The following INSR variants were observed in gnomAD, a reference collection of about 807,000 sequenced individuals.
INSR encodes insulin receptor.
In INSR, 67 loss-of-function variants were observed where a neutral mutation model predicts 142.6. The observed-to-expected ratio is 0.47, with a 90% CI of 0.39 to 0.58. The LOEUF (loss-of-function observed/expected upper bound fraction) is 0.58. INSR is among the 20% of genes least tolerant of loss of function. The pLI is 0.00. For synonymous variants in INSR, 756 were observed against 743.1 expected (o/e 1.02, Z -0.28); for missense variants, 1,248 against 1,833.2 (o/e 0.68, Z 5.83).
At chr19:7,243,232 T>C (rs1342538248) in intron 2 of INSR, among the ~76,000 whole-genome samples, 1 of 135,296 alleles carries the variant, frequency 7.4e-6, no homozygotes, top group African/African-American at 2.8e-5. Flanking sequence ...CACACTGTTT[T>C]GGTTTTTTTT....
intron 2 of INSR, among the ~76,000 whole-genome samples, chr19:7,189,497 T>C (rs760895672): frequency 3.9e-4 from 59 of 152,266 alleles, no homozygotes; most frequent in Non-Finnish European, 6.8e-4. Context: ...ATGGTGTTGG[T>C]TGAAACTACT....
chr19:7,211,633 G>A (rs1387254167), intron 2 of INSR, among the ~76,000 whole-genome samples: 1 of 152,118 alleles, frequency 6.6e-6, no homozygotes, highest in East Asian at 1.9e-4. Flanking sequence ...ACCAAAACAT[G>A]CACAATCCCA....
At position 7,162,775 on chromosome 19, in the gene INSR, G is replaced by A. The variant is rs1432649114; in HGVS notation, c.2029+257C>T. Among the ~76,000 whole-genome samples the A allele has an allele frequency of 7.8e-5, 11 of 141,910 alleles. 1 individual carries two copies. Among genetic ancestry groups the A allele is most frequent in the Admixed American group, 1.4e-4 (2 of 14,410 alleles). The allele number at this position is 141,910 out of a possible 152,430, so 93.1% of individuals were successfully genotyped here. The stretch of plus-strand genomic sequence containing the variant: ...GTGGAGGTTGCGATGAGCCAAGGTC[G>A]CGTCATTGCACTCCAGCCTGGGCAA... On this transcript the variant is annotated intron_variant, in intron 9 of 21. Transcript: ENST00000302850.
Position 7,132,290 on chromosome 19 carries a change from G to C in INSR, c.2710C>G (p.His904Asp). 2 of 1,614,174 alleles carry C rather than the reference G, an allele frequency of 1.2e-6. No individual in the cohort carries two copies. The highest frequency in any genetic ancestry group is 1.7e-6 in the Non-Finnish European group (2 of 1,180,034). Residue 904 changes from histidine to aspartate, a missense_variant, in exon 14 of 22, where the codon CAC (histidine) becomes GAC (aspartate). By Grantham distance (81) the His-to-Asp change is moderately conservative. Around this residue, in one of 3 missense-constraint regions of INSR, gnomAD observed 1,069 missense variants for 1,654.0 expected, o/e 0.65. Transcript: ENST00000302850. ...EELHLCVSRKHFALERGCRLR... is the reference protein window; with the variant it reads ...EELHLCVSRKDFALERGCRLR... Reference sequence around the variant, plus strand: ...CTGCAGCCCCGTTCCAGAGCGAAGTGCTTGCGGGAGACGCAGAGATGCAGC... The same window carrying C: ...CTGCAGCCCCGTTCCAGAGCGAAGTCCTTGCGGGAGACGCAGAGATGCAGC...
At position 7,166,448 on chromosome 19, in the gene INSR, G is replaced by A. The variant is rs764884196; in HGVS notation, c.1611-44C>T. On this transcript the variant is annotated intron_variant, in intron 7 of 21. Transcript: ENST00000302850. This position sits in a 1 kb window ranked among gnomAD's most constrained non-coding sequence, Gnocchi z 4.1. Reference sequence around the variant, plus strand: ...AGAAGGCAGTTACCCTTACAAGACCGTCACACTGAGTGCCGTGCAGATGAG... The same window carrying A: ...AGAAGGCAGTTACCCTTACAAGACCATCACACTGAGTGCCGTGCAGATGAG... 13 of 1,605,294 alleles carry A rather than the reference G, an allele frequency of 8.1e-6. No homozygotes were observed. Among genetic ancestry groups the A allele is most frequent in the East Asian group, 4.5e-5 (2 of 44,748 alleles).
At chr19:7,276,978 G>A (rs1446940802) in intron 1 of INSR, among the ~76,000 whole-genome samples, 21 of 152,090 alleles carry the variant, frequency 1.4e-4, no homozygotes, top group Non-Finnish European at 2.9e-4. Context: ...TGATCCACCC[G>A]TCTAGACCTC....
chr19:7,121,766 A>G (rs1389450869), intron 19 of INSR, among the ~76,000 whole-genome samples: 1 of 152,226 alleles, frequency 6.6e-6, no homozygotes, highest in Non-Finnish European at 1.5e-5. Flanking sequence ...CGGTCCTACA[A>G]ACATATCTTT....
rs755819949 is a variant in INSR at position 7,174,677 on chromosome 19, T to C, written c.1029A>G (p.Glu343=). 2 of 1,613,760 alleles carry C rather than the reference T, an allele frequency of 1.2e-6. No individual in the cohort carries two copies. The highest frequency in any genetic ancestry group is 8.5e-7 in the Non-Finnish European group (1 of 1,179,900). Residue 343 remains glutamate, a synonymous_variant, in exon 4 of 22, where the codon GAA becomes GAG. Transcript: ENST00000302850. ...TCACCGAGTCGATGGTCTTCTCGCC[T>C]TCTAGGAGGTGGCACACCTTGGGAC... The part of the protein sequence containing the change: ...GPCPKVCHLL[E]GEKTIDSVTS...
chr19:7,119,556 G>T lies in INSR; in HGVS notation c.3687C>A (p.Ile1229=). Residue 1229 remains isoleucine (I), a synonymous_variant, in exon 21 of 22, where the codon ATC becomes ATA. Coordinates refer to ENST00000302850, the MANE Select transcript of INSR (RefSeq NM_000208.4). This position sits in a 1 kb window ranked among gnomAD's most constrained non-coding sequence, Gnocchi z 5.2. ...MWSFGVVLWE[I]TSLAEQPYQG... Reference sequence around the variant, plus strand: ...GGTAAGGCTGTTCTGCCAAGCTGGTGATTTCCCAAAGGACCACGCCAAAGG... The same window carrying T: ...GGTAAGGCTGTTCTGCCAAGCTGGTTATTTCCCAAAGGACCACGCCAAAGG... 2.5e-6 allele frequency: 4 copies of T among 1,614,102 alleles called. No individual in the cohort carries two copies. The highest frequency in any genetic ancestry group is 1.3e-5 in the African/African-American group (1 of 75,034).
chr19:7,261,908 T>C (rs529845597), intron 2 of INSR, among the ~76,000 whole-genome samples: 62 of 152,148 alleles, frequency 4.1e-4, no homozygotes, highest in Non-Finnish European at 8.2e-4. Flanking sequence ...GGGGTGGATG[T>C]TGCTCGGAAT....
intron 2 of INSR, among the ~76,000 whole-genome samples, chr19:7,233,647 T>C (rs1037242586): frequency 6.6e-6 from 1 of 150,644 alleles, no homozygotes. Flanking sequence ...GCTAAACGTC[T>C]TTTGTTTTTT....
rs1253767644 is a variant in INSR, at chr19:7,150,807, A to G, written c.2232-275T>C. On this transcript the variant is annotated intron_variant, in intron 10 of 21. Coordinates refer to ENST00000302850, the MANE Select transcript of INSR (RefSeq NM_000208.4). The surrounding 1 kb of genome is among the most constrained non-coding windows in gnomAD (Gnocchi z 4.2). ...ATGTCAAACGTGACTACATGTGGAC[A>G]TCACAACTGACTCAGCCACTTCTCC... 6.6e-6 allele frequency among the ~76,000 whole-genome samples: 1 copy of G among 152,170 alleles called. No individual in the cohort carries two copies. The highest frequency in any genetic ancestry group is 1.9e-4 in the East Asian group (1 of 5,192).
chr19:7,121,025 C>G (rs193113845), intron 19 of INSR, among the ~76,000 whole-genome samples: 2 of 151,888 alleles, frequency 1.3e-5, no homozygotes, highest in Non-Finnish European at 2.9e-5. Flanking sequence ...TGATATGGAG[C>G]CTCACTCTGT....
chr19:7,290,512 C>T (rs936908691), intron 1 of INSR, among the ~76,000 whole-genome samples: 2 of 152,016 alleles, frequency 1.3e-5, no homozygotes, highest in Non-Finnish European at 2.9e-5. Context: ...ATGGCTCACA[C>T]CTATAATCCC....
chr19:7,124,542 A>G (rs1162451589), intron 17 of INSR, among the ~76,000 whole-genome samples: 1 of 5,238 alleles, frequency 1.9e-4, no homozygotes, highest in Non-Finnish European at 3.4e-4. Context: ...CCGTTTCAGG[A>G]AAAAAAAAAA....
intron 1 of INSR, among the ~76,000 whole-genome samples, chr19:7,292,470 T>TGGC (rs1555693254): frequency 9.9e-6 from 1 of 100,782 alleles, no homozygotes; most frequent in Non-Finnish European, 2.1e-5. Flanking sequence ...GGGGCGGGGC[T>TGGC]GGGGGGGGGT....
At chr19:7,245,629 A>G (rs1325163580) in intron 2 of INSR, among the ~76,000 whole-genome samples, 1 of 152,062 alleles carries the variant, frequency 6.6e-6, no homozygotes, top group Non-Finnish European at 1.5e-5. Flanking sequence ...TTGTATTTAT[A>G]GTAGCGGGGT....
chr19:7,147,169 T>G (rs1973205040), intron 11 of INSR, among the ~76,000 whole-genome samples: 1 of 152,098 alleles, frequency 6.6e-6, no homozygotes, highest in Non-Finnish European at 1.5e-5. Context: ...TGTAAGTGTT[T>G]AACTTTTTAA....
intron 1 of INSR, among the ~76,000 whole-genome samples, chr19:7,278,057 A>C (rs1040134783): frequency 6.6e-6 from 1 of 150,830 alleles, no homozygotes; most frequent in Non-Finnish European, 1.5e-5. Flanking sequence ...CTGTGCCACT[A>C]CACTCCAGCC....
Sources: allele counts gnomAD v4.1 joint callset (sites outside exome capture counted in the v4.1 genomes callset), GRCh38; gene constraint gnomAD v4.1.1; regional missense constraint gnomAD v4.1.1; non-coding constraint Gnocchi (gnomAD v3.1); transcripts MANE v1.5; gene names NCBI Gene and HGNC (gene_info 2026-07-23, HGNC 2026-07-21).